FPGS: variants seen among roughly 807,000 people sequenced by gnomAD.
The protein encoded by FPGS is folylpolyglutamate synthase, also known as folylpolyglutamate synthase, mitochondrial.
Under a neutral mutation model 66.5 loss-of-function variants are expected in FPGS, and 53 were observed. That is an observed-to-expected ratio of 0.80 (90% confidence interval 0.64 to 1.00). FPGS has a LOEUF of 1.00. FPGS is among the 50% of genes least tolerant of loss of function. FPGS has a pLI of 0.00. For synonymous variants in FPGS, 348 were observed against 350.9 expected, an observed-to-expected ratio of 0.99 and a Z score of 0.09; for missense variants, 702 against 807.7, an observed-to-expected ratio of 0.87 and a Z score of 1.59.
intron 1 of FPGS, chr9:127,803,363 T>C: frequency 1.8e-6 from 2 of 1,138,334 alleles, no homozygotes; most frequent in Non-Finnish European, 1.1e-6. Context: ...GGAGTTCCAG[T>C]GATCCCGGAG....
At chr9:127,805,245 C>T (rs1212617025) in intron 4 of FPGS, among the ~76,000 whole-genome samples, 1 of 151,912 alleles carries the variant, frequency 6.6e-6, no homozygotes, top group Non-Finnish European at 1.5e-5. Context: ...AATGTATAAA[C>T]TAAATATGTA....
chr9:127,803,138 G>A (rs1829670950), intron 1 of FPGS, 76 bp downstream of exon 1: 1 of 1,274,906 alleles, frequency 7.8e-7, no homozygotes. Context: ...AGAACATCCG[G>A]GCTCCGCTAG....
At chr9:127,804,846 C>A in intron 4 of FPGS, 146 bp downstream of exon 4, 2 of 747,812 alleles carry the variant, frequency 2.7e-6, no homozygotes, top group South Asian at 1.6e-5. Flanking sequence ...AATAAACATT[C>A]AGTTAGCACT....
At chr9:127,803,329 G>A (rs1829681086) in intron 1 of FPGS, 2 of 1,193,948 alleles carry the variant, frequency 1.7e-6, no homozygotes, top group Admixed American at 9.1e-5. Flanking sequence ...GGATCCAGAA[G>A]CCCAGAGGCT....
In FPGS at chr9:127,804,302, C is replaced by T. The variant is rs1829722370; in HGVS notation, c.156C>T (p.Leu52=). Residue 52 remains leucine, a synonymous_variant, in exon 2 of 15, where the codon CTC becomes CTT. Coordinates refer to ENST00000373247, the MANE Select transcript of FPGS (RefSeq NM_004957.6). ...GTTGCCAGGATGCCGTGCGCATGCT[C>T]AATACCCTGCAGACCAATGCCGGCT... ...SMEYQDAVRM[L]NTLQTNAGYL... 1 of 1,614,156 alleles carries T rather than the reference C, an allele frequency of 6.2e-7. No individual in the cohort carries two copies.
chr9:127,813,277 A>G lies in FPGS; in HGVS notation c.1437A>G (p.Glu479=), dbSNP rs1394310845. The G allele has an allele frequency of 6.2e-7, 1 of 1,613,004 alleles. No homozygotes were observed. Among genetic ancestry groups the G allele is most frequent in the East Asian group, 2.2e-5 (1 of 44,870 alleles). ...AGCAGCACTGGAACCACCTGGACGA[A>G]GAGCAGGCCAGCCCGGACCTCTGGA... ...EHQQHWNHLD[E]EQASPDLWSA... is the part of the protein sequence containing the mutation. The change falls in exon 15 of 15, where the codon GAA becomes GAG. Residue 479 remains glutamate, a synonymous_variant. Coordinates refer to ENST00000373247, the MANE Select transcript of FPGS (RefSeq NM_004957.6).
Sources: allele counts gnomAD v4.1 joint callset (sites outside exome capture counted in the v4.1 genomes callset), GRCh38; gene constraint gnomAD v4.1.1; transcripts MANE v1.5; gene names NCBI Gene and HGNC (gene_info 2026-07-23, HGNC 2026-07-21).